Variants in SPAM1 observed in about 807,000 individuals in gnomAD.
The protein encoded by SPAM1 is hyaluronidase PH-20.
SPAM1 carries 22 observed loss-of-function variants against 29.6 expected under a neutral mutation model. The observed-to-expected ratio is 0.74, with a 90% CI of 0.53 to 1.06. The LOEUF is 1.06. SPAM1 is among the 50% of genes least tolerant of loss of function. SPAM1 has a pLI of 0.00. For missense variants in SPAM1, 534 were observed against 604.0 expected, an observed-to-expected ratio of 0.88 and a Z score of 1.21; for synonymous variants, 194 against 204.6, an observed-to-expected ratio of 0.95 and a Z score of 0.44.
In SPAM1 at chr7:123,954,280, G is replaced by A. The variant is rs368148854; in HGVS notation, c.710G>A (p.Ser237Asn). Residue 237 changes from serine (S) to asparagine (N), a missense_variant, in exon 3 of 5, where the codon AGT becomes AAT. Coordinates refer to ENST00000682466, the MANE Select transcript of SPAM1 (RefSeq NM_153189.3). ...HHYKKPGYNG[S>N]CFNVEIKRND... ...TATAAGAAACCCGGTTACAATGGAA[G>A]TTGCTTCAATGTAGAAATAAAAAGA... 13 of 1,612,572 alleles carry A rather than the reference G, an allele frequency of 8.1e-6. No homozygotes were observed. In the African/African-American group the frequency reaches 1.6e-4, roughly 20 times the overall value.
downstream of SPAM1, among the ~76,000 whole-genome samples, chr7:123,962,276 T>C (rs4443586): frequency 0.13 from 19,161 of 151,974 alleles, 1,309 homozygotes; most frequent in Middle Eastern, 0.15. Flanking sequence ...TTAGTAAAGA[T>C]GAGTATTTTT....
At chr7:123,960,261 G>A (rs1006750544), downstream of SPAM1, among the ~76,000 whole-genome samples, 4 of 151,860 alleles carry the variant, frequency 2.6e-5, no homozygotes, top group Non-Finnish European at 5.9e-5. Flanking sequence ...AAAACTGCCA[G>A]GATTGTTTTA....
chr7:123,959,601 A>G lies in SPAM1; in HGVS notation c.1162A>G (p.Ile388Val). The G allele has an allele frequency of 3.7e-6, 6 of 1,613,258 alleles. No individual in the cohort carries two copies. Among genetic ancestry groups the G allele is most frequent in the Non-Finnish European group, 5.1e-6 (6 of 1,179,536 alleles). ...GCTTTGCCAGGAGCAAGGAGTGTGT[A>G]TAAGGAAAAACTGGAATTCAAGTGA... ...QVLCQEQGVCIRKNWNSSDYL... is the reference protein window; with the variant it reads ...QVLCQEQGVCVRKNWNSSDYL... The change falls in exon 5 of 5, where the codon ATA becomes GTA. Residue 388 changes from isoleucine (I) to valine (V), a missense_variant. Ile to Val is a conservative substitution (Grantham distance 29). Coordinates refer to ENST00000682466, the MANE Select transcript of SPAM1 (RefSeq NM_153189.3).
At chr7:123,959,311 C>CA (rs1228088838) in intron 4 of SPAM1, among the ~76,000 whole-genome samples, 173 bp from the exon 5 acceptor site, 1 of 152,002 alleles carries the variant, frequency 6.6e-6, no homozygotes, top group Non-Finnish European at 1.5e-5. Flanking sequence ...ATAAGTCTTA[C>CA]AAAAAGCAGT....
intron 2 of SPAM1, among the ~76,000 whole-genome samples, chr7:123,952,892 T>A (rs7804904): frequency 4.9e-5 from 7 of 141,608 alleles, no homozygotes; most frequent in African/African-American, 1.0e-4. Context: ...TGCTCCCCTT[T>A]GAAAAAAAAA....
chr7:123,961,953 A>C (rs986158394), downstream of SPAM1, among the ~76,000 whole-genome samples: 1 of 151,886 alleles, frequency 6.6e-6, no homozygotes, highest in East Asian at 1.9e-4. Flanking sequence ...GTAGGGGGGA[A>C]ATCTGTCACC....
chr7:123,960,011 G>A lies in SPAM1; in HGVS notation c.*42G>A. On this transcript the variant is annotated 3_prime_UTR_variant, in exon 5 of 5. Transcript: ENST00000682466. ...AAATGAACAATATGTCCATCTTAAA[G>A]TGTGCTTTTTCGACTAATTAAATCT... The A allele has an allele frequency of 7.8e-6, 12 of 1,537,470 alleles. No homozygotes were observed. Among genetic ancestry groups the A allele is most frequent in the Non-Finnish European group, 1.0e-5 (12 of 1,150,484 alleles).
chr7:123,952,657 G>GCACTTACTTATCAAATGCTATACTTATC (rs1792137187), intron 2 of SPAM1, among the ~76,000 whole-genome samples: 1 of 152,040 alleles, frequency 6.6e-6, no homozygotes, highest in African/African-American at 2.4e-5. Flanking sequence ...ATAAAAAGAT[G>GCACTTACTTATCAAATGCTATACTTATC]AAAATCTACA....
intron 1 of SPAM1, among the ~76,000 whole-genome samples, chr7:123,944,874 T>C (rs1479792048): frequency 6.6e-6 from 1 of 152,142 alleles, no homozygotes; most frequent in Non-Finnish European, 1.5e-5. Flanking sequence ...AATTATAAAG[T>C]CCTGTAATTT....
intron 1 of SPAM1, among the ~76,000 whole-genome samples, chr7:123,945,059 A>G (rs887988461): frequency 6.6e-6 from 1 of 152,056 alleles, no homozygotes; most frequent in Non-Finnish European, 1.5e-5. Flanking sequence ...GTTGTCCTGA[A>G]CATCCCTCTT....
chr7:123,953,595 A>G lies in SPAM1; in HGVS notation c.25A>G (p.Ile9Val). 6.3e-7 allele frequency: 1 copy of G among 1,597,630 alleles called. No homozygotes were observed. The highest frequency in any genetic ancestry group is 8.5e-7 in the Non-Finnish European group (1 of 1,174,398). MGVLKFKH[I>V]FFRSFVKSSG... ...AATGGGAGTGCTAAAATTCAAGCACATCTTTTTCAGAAGCTTTGTTAAATC... is the reference window on the plus strand; with the variant it reads ...AATGGGAGTGCTAAAATTCAAGCACGTCTTTTTCAGAAGCTTTGTTAAATC... The change falls in exon 3 of 5, where the codon ATC becomes GTC. Residue 9 changes from isoleucine (I) to valine (V), a missense_variant. Physicochemically the swap from Ile to Val is conservative, Grantham distance 29. Coordinates refer to ENST00000682466, the MANE Select transcript of SPAM1 (RefSeq NM_153189.3).
intron 1 of SPAM1, among the ~76,000 whole-genome samples, chr7:123,928,183 A>G (rs1307898106): frequency 6.6e-6 from 1 of 152,134 alleles, no homozygotes; most frequent in Admixed American, 6.6e-5. Flanking sequence ...TCATCTTGAG[A>G]GTACTGCGCT....
intron 1 of SPAM1, among the ~76,000 whole-genome samples, chr7:123,933,095 G>A (rs1808137553): frequency 6.6e-6 from 1 of 150,968 alleles, no homozygotes; most frequent in South Asian, 2.1e-4. Context: ...GGATACATGT[G>A]CAGAATGTGT....
At position 123,953,879 on chromosome 7, in the gene SPAM1, T is replaced by C. The variant is rs1302683634; in HGVS notation, c.309T>C (p.Asp103=). The change falls in exon 3 of 5, where the codon GAT becomes GAC. Residue 103 remains aspartate, a synonymous_variant. Transcript: ENST00000682466. ...VDRLGYYPYI[D]SITGVTVNGG... ...GACTTGGCTACTATCCTTACATAGA[T>C]TCAATCACAGGAGTAACTGTGAATG... The C allele has an allele frequency of 6.2e-7, 1 of 1,613,748 alleles. No homozygotes were observed. The highest frequency in any genetic ancestry group is 8.5e-7 in the Non-Finnish European group (1 of 1,179,812).
At chr7:123,954,767 CT>C (rs1238127286) in intron 3 of SPAM1, among the ~76,000 whole-genome samples, 1 of 148,386 alleles carries the variant, frequency 6.7e-6, no homozygotes. Flanking sequence ...AACTCAGTTT[CT>C]TTTTTTTTTC....
At chr7:123,959,447 C>A in intron 4 of SPAM1, 37 bp from the exon 5 acceptor site, 1 of 1,433,872 alleles carries the variant, frequency 7.0e-7, no homozygotes, top group Non-Finnish European at 9.5e-7. Flanking sequence ...ACTAACTTGT[C>A]CTTTGATATT....
At chr7:123,948,756 G>A (rs1808669628) in intron 1 of SPAM1, among the ~76,000 whole-genome samples, 1 of 151,952 alleles carries the variant, frequency 6.6e-6, no homozygotes, top group African/African-American at 2.4e-5. Flanking sequence ...CAATTTTAAT[G>A]GTAAGAGGAT....
At chr7:123,954,880 G>A (rs1235424448) in intron 3 of SPAM1, 117 bp from the exon 4 acceptor site, 1 of 691,786 alleles carries the variant, frequency 1.4e-6, no homozygotes, top group South Asian at 1.8e-5. Context: ...TAGAAATAGT[G>A]GGGAAATATT....
Position 123,953,871 on chromosome 7 carries a change from TAC to T in SPAM1, c.303_304del (p.Ile102ArgfsTer26). The T allele has an allele frequency of 6.2e-7, 1 of 1,613,720 alleles. No homozygotes were observed. Among genetic ancestry groups the T allele is most frequent in the Non-Finnish European group, 8.5e-7 (1 of 1,179,802 alleles). On this transcript the variant is annotated frameshift_variant, in exon 3 of 5. Coordinates refer to ENST00000682466, the MANE Select transcript of SPAM1 (RefSeq NM_153189.3). LOFTEE classifies it high-confidence loss of function. ...TGTTGATAGACTTGGCTACTATCCT[TAC>T]ATAGATTCAATCACAGGAGTAACTG... ...FYVDRLGYYPYIDSITGVTVN... is the reference protein window; with the variant it reads ...FYVDRLGYYPXIDSITGVTVN...
Sources: gnomAD v4.1 joint callset for allele counts (sites outside exome capture counted in the v4.1 genomes callset) on GRCh38, gnomAD v4.1.1 for gene constraint, MANE v1.5 for transcripts, NCBI Gene and HGNC (gene_info 2026-07-23, HGNC 2026-07-21) for gene names.